Variants in DNAAF5 observed in about 807,000 individuals in gnomAD.
The protein encoded by DNAAF5 is dynein axonemal assembly factor 5.
DNAAF5 carries 64 observed loss-of-function variants against 75.8 expected under a neutral mutation model. That is an observed-to-expected ratio of 0.84 (90% CI 0.69 to 1.04). The LOEUF is 1.04. DNAAF5 is among the 50% of genes least tolerant of loss of function. The pLI, the probability that DNAAF5 is intolerant of heterozygous loss-of-function variation, is 0.00. For missense variants in DNAAF5, 1,269 were observed against 1,178.5 expected (o/e 1.08, Z -1.12); for synonymous variants, 657 against 557.2 (o/e 1.18, Z -2.52).
At position 727,260 on chromosome 7, in the gene DNAAF5, C is replaced by G; in HGVS notation, c.540C>G (p.Ala180=). 1 of 1,331,894 alleles carries G rather than the reference C, an allele frequency of 7.5e-7. No individual in the cohort carries two copies. The highest frequency in any genetic ancestry group is 2.8e-4 in the Middle Eastern group (1 of 3,532). 82.5% of individuals were successfully genotyped at this position (1,331,894 alleles called of 1,614,324 possible). ...GCTGCTCCCTGCTCGACCCCTTCGC[C>G]GCCGTGCGCCGCGAGAGCTGCAGCT... The part of the protein sequence containing the change: ...ALRCSLLDPF[A]AVRRESCSCA... Residue 180 remains alanine (A), a synonymous_variant, in exon 1 of 13, where the codon GCC becomes GCG. Transcript: ENST00000297440.
At chr7:756,677 C>T in intron 5 of DNAAF5, 105 bp from the exon 6 acceptor site, 2 of 991,160 alleles carry the variant, frequency 2.0e-6, no homozygotes, top group South Asian at 1.4e-5. Context: ...ACACGGGGCT[C>T]TGTCTGGTGC....
intron 8 of DNAAF5, chr7:769,070 G>C (rs1778459898): frequency 2.9e-6 from 2 of 696,790 alleles, no homozygotes; most frequent in African/African-American, 1.7e-5. Flanking sequence ...CTTCGAGCCA[G>C]AGCAGCGAGT....
intron 11 of DNAAF5, among the ~76,000 whole-genome samples, chr7:776,382 G>T (rs1429954224): frequency 6.6e-6 from 1 of 152,166 alleles, no homozygotes; most frequent in East Asian, 1.9e-4. Context: ...TTCTGTTCAA[G>T]TTGGTACTAT....
At chr7:772,013 T>G (rs1778580958) in intron 9 of DNAAF5, 1 of 152,346 alleles carries the variant, frequency 6.6e-6, no homozygotes, top group South Asian at 2.1e-4. Context: ...AAGTTGGCTC[T>G]GCTGAAGTAG....
chr7:727,092 C>T lies in DNAAF5; in HGVS notation c.372C>T (p.Arg124=). ...LPRLLPALAA[R]LAGPVPARRP... ...GCCTGCTGCCCGCGCTCGCCGCGCG[C>T]TTGGCCGGCCCCGTGCCCGCGCGCC... The change falls in exon 1 of 13, where the codon CGC becomes CGT. Residue 124 remains arginine (R), a synonymous_variant. Coordinates refer to ENST00000297440, the MANE Select transcript of DNAAF5 (RefSeq NM_017802.4). 1 of 1,057,084 alleles carries T rather than the reference C, an allele frequency of 9.5e-7. No individual in the cohort carries two copies. Among genetic ancestry groups the T allele is most frequent in the Non-Finnish European group, 1.1e-6 (1 of 879,292 alleles). 65.5% of individuals were successfully genotyped at this position (1,057,084 alleles called of 1,614,324 possible).
chr7:784,203 G>A (rs887170486), intron 12 of DNAAF5, among the ~76,000 whole-genome samples: 7 of 152,130 alleles, frequency 4.6e-5, no homozygotes, highest in Admixed American at 1.3e-4. Flanking sequence ...GCTGCGGGAC[G>A]CCCGTGCTCA....
chr7:766,715 CA>C (rs1782832407), intron 8 of DNAAF5, among the ~76,000 whole-genome samples: 1 of 152,092 alleles, frequency 6.6e-6, no homozygotes, highest in Non-Finnish European at 1.5e-5. Flanking sequence ...GAGGCTGAGG[CA>C]AGGAGGCTCA....
intron 9 of DNAAF5, chr7:772,907 AGTTCTGATG>A (rs1455441041): frequency 6.6e-6 from 1 of 151,922 alleles, no homozygotes; most frequent in Admixed American, 6.5e-5. Context: ...AATGCCCAGA[AGTTCTGATG>A]GAGCTTCTGT....
At chr7:768,460 C>A (rs1035159693) in intron 8 of DNAAF5, 1 of 150,194 alleles carries the variant, frequency 6.7e-6, no homozygotes, top group Non-Finnish European at 1.5e-5. Context: ...GGAGGGCAGA[C>A]ACGTGGTCCG....
chr7:741,886 G>A (rs1425746839), intron 4 of DNAAF5, among the ~76,000 whole-genome samples: 3 of 152,178 alleles, frequency 2.0e-5, no homozygotes, highest in African/African-American at 7.2e-5. Flanking sequence ...CACCAAGACA[G>A]AGCTCAGCAC....
chr7:754,393 A>G lies in DNAAF5; in HGVS notation c.1025-196A>G, dbSNP rs1015904824. Among the ~76,000 whole-genome samples, 1 of 152,152 alleles carries G rather than the reference A, an allele frequency of 6.6e-6. No homozygotes were observed. The highest frequency in any genetic ancestry group is 1.5e-5 in the Non-Finnish European group (1 of 68,026). Reference sequence around the variant, plus strand: ...CACCTGCCTTGGCCTCCACAGGGCTAGGACTGCAGCCGTGCACCGCCTCTG... The same window carrying G: ...CACCTGCCTTGGCCTCCACAGGGCTGGGACTGCAGCCGTGCACCGCCTCTG... On this transcript the variant is annotated intron_variant, in intron 4 of 12. Transcript: ENST00000297440. This position sits in a 1 kb window ranked among gnomAD's most constrained non-coding sequence, Gnocchi z 4.8.
At chr7:728,244 G>A (rs770990608) in intron 1 of DNAAF5, among the ~76,000 whole-genome samples, 2 of 152,134 alleles carry the variant, frequency 1.3e-5, no homozygotes, top group Non-Finnish European at 2.9e-5. Context: ...TCCTGCTGGC[G>A]GGAAGGCTTT....
In DNAAF5 at chr7:774,262, G is replaced by A. The variant is rs922244826; in HGVS notation, c.2082+64G>A. 1.1e-5 allele frequency: 16 copies of A among 1,485,938 alleles called. No individual in the cohort carries two copies. In the African/African-American group the frequency reaches 1.5e-4, roughly 14 times the overall value. The allele number at this position is 1,485,938 out of a possible 1,614,324, so 92.0% of individuals were successfully genotyped here. On this transcript the variant is annotated intron_variant, in intron 10 of 12. Transcript: ENST00000297440. ...GGACTGCGCAGGCTTCCTGGCGCCC[G>A]GCAGAGCTCCCGCAGCAGGAACTTG...
chr7:760,937 G>A (rs1320008005), intron 6 of DNAAF5, among the ~76,000 whole-genome samples: 2 of 152,270 alleles, frequency 1.3e-5, no homozygotes, highest in Non-Finnish European at 2.9e-5. Flanking sequence ...GGGGCAGGCA[G>A]CAGAGCGACT....
Position 783,869 on chromosome 7 carries a change from G to T in DNAAF5, c.2432-1648G>T, listed in dbSNP as rs1779063032. On this transcript the variant is annotated intron_variant, in intron 12 of 12. Transcript: ENST00000297440. ...TCAGGACCTTGCTCTAGGCCGAGGA[G>T]ACCAGTGCCCCTGTGCACCAGCTCA... 2.0e-5 allele frequency among the ~76,000 whole-genome samples: 3 copies of T among 152,144 alleles called. No homozygotes were observed. The South Asian group carries it at 6.2e-4, about 31-fold the overall frequency.
intron 3 of DNAAF5, 54 bp downstream of exon 3, chr7:740,997 G>T: frequency 2.5e-6 from 4 of 1,591,580 alleles, no homozygotes; most frequent in Non-Finnish European, 3.4e-6. Flanking sequence ...ATGTGTAGCA[G>T]TGGTGGTTTC....
chr7:763,250 G>A (rs1266925143), intron 7 of DNAAF5, among the ~76,000 whole-genome samples: 3 of 152,150 alleles, frequency 2.0e-5, no homozygotes, highest in Non-Finnish European at 4.4e-5. Context: ...CATGGGGGAC[G>A]AAGCCAGGTA....
chr7:747,547 C>G (rs1416267722), intron 4 of DNAAF5, among the ~76,000 whole-genome samples: 2 of 150,380 alleles, frequency 1.3e-5, no homozygotes, highest in Non-Finnish European at 2.9e-5. Context: ...GTGGGGTTTG[C>G]TGTTTTTAGT....
intron 4 of DNAAF5, among the ~76,000 whole-genome samples, chr7:743,081 T>G (rs549978279): frequency 6.6e-6 from 1 of 152,332 alleles, no homozygotes; most frequent in South Asian, 2.1e-4. Context: ...AAGTAGCTTC[T>G]TGGCCGGGCA....
Sources: allele counts gnomAD v4.1 joint callset (sites outside exome capture counted in the v4.1 genomes callset), GRCh38; gene constraint gnomAD v4.1.1; non-coding constraint Gnocchi (gnomAD v3.1); transcripts MANE v1.5; gene names NCBI Gene and HGNC (gene_info 2026-07-23, HGNC 2026-07-21).